The following INPP5A variants were observed in gnomAD, a reference collection of about 807,000 sequenced individuals.
The protein encoded by INPP5A is 43 kDa inositol polyphosphate 5-phophatase.
In INPP5A, 14 loss-of-function variants were observed where a neutral mutation model predicts 65.2. The ratio of observed to expected loss-of-function variants is 0.21; its 90% CI spans 0.14 to 0.34. The LOEUF is 0.34. Among genes scored for constraint, INPP5A ranks in the 10% least tolerant of loss-of-function variants. INPP5A has a pLI of 1.00. For missense variants in INPP5A, 431 were observed against 545.6 expected (o/e 0.79, Z 2.09); for synonymous variants, 207 against 208.3 (o/e 0.99, Z 0.05).
chr10:132,768,844 G>C (rs1396483361), intron 12 of INPP5A, among the ~76,000 whole-genome samples: 2 of 152,250 alleles, frequency 1.3e-5, no homozygotes, highest in Non-Finnish European at 2.9e-5. Context: ...CGGCCGAGCA[G>C]CCAAGTACAT....
intron 9 of INPP5A, among the ~76,000 whole-genome samples, chr10:132,728,887 A>G (rs562399070): frequency 6.4e-4 from 98 of 152,278 alleles, no homozygotes; most frequent in Admixed American, 2.1e-3. Flanking sequence ...TGTGACCACA[A>G]GGCGTCGGGG....
At chr10:132,559,831 C>T (rs1182656436) in intron 1 of INPP5A, among the ~76,000 whole-genome samples, 2 of 152,278 alleles carry the variant, frequency 1.3e-5, no homozygotes, top group East Asian at 1.9e-4. Flanking sequence ...ACCTGTGCTT[C>T]TTCCTTATGA....
chr10:132,627,271 G>C lies in INPP5A; in HGVS notation c.118-18597G>C, dbSNP rs2072197660. On this transcript the variant is annotated intron_variant, in intron 2 of 15. Coordinates refer to ENST00000368594, the MANE Select transcript of INPP5A (RefSeq NM_005539.5). This position sits in a 1 kb window ranked among gnomAD's most constrained non-coding sequence, Gnocchi z 6.6. ...TTGTGATGGAGCCTCTGCCGACCGA[G>C]GGAGGGGCTGAGGGTGGACAGGCTG... Among the ~76,000 whole-genome samples the C allele has an allele frequency of 1.3e-5, 2 of 151,850 alleles. No individual in the cohort carries two copies. The highest frequency in any genetic ancestry group is 1.3e-4 in the Admixed American group (2 of 15,280).
chr10:132,732,173 A>C (rs778901527), intron 9 of INPP5A, among the ~76,000 whole-genome samples: 11 of 152,262 alleles, frequency 7.2e-5, no homozygotes, highest in Non-Finnish European at 1.5e-4. Flanking sequence ...TAATGCCCTC[A>C]TGCTGGACAG....
intron 4 of INPP5A, among the ~76,000 whole-genome samples, chr10:132,688,055 C>T (rs1845170298): frequency 1.3e-5 from 2 of 152,230 alleles, no homozygotes; most frequent in South Asian, 4.1e-4. Flanking sequence ...CCACCATGCA[C>T]TGCACACGCC....
At chr10:132,737,072 T>C (rs1846189591) in intron 9 of INPP5A, among the ~76,000 whole-genome samples, 1 of 152,228 alleles carries the variant, frequency 6.6e-6, no homozygotes, top group Non-Finnish European at 1.5e-5. Context: ...TGGGCAGGCC[T>C]GAGCTCCTAA....
At chr10:132,645,222 G>A (rs1412823920) in intron 2 of INPP5A, among the ~76,000 whole-genome samples, 2 of 152,124 alleles carry the variant, frequency 1.3e-5, no homozygotes, top group Non-Finnish European at 2.9e-5. Context: ...TGGGGCGGGC[G>A]GGGCAGGGGC....
At chr10:132,716,120 T>C (rs1041903861) in intron 8 of INPP5A, among the ~76,000 whole-genome samples, 1 of 152,218 alleles carries the variant, frequency 6.6e-6, no homozygotes, top group African/African-American at 2.4e-5. Context: ...GTGGTGCCGC[T>C]ATGCAGATGC....
At chr10:132,671,355 C>T (rs562413660) in intron 4 of INPP5A, among the ~76,000 whole-genome samples, 15 of 149,542 alleles carry the variant, frequency 1.0e-4, no homozygotes, top group Admixed American at 6.7e-4. Flanking sequence ...CTCCCTGCTT[C>T]GGACTCCGCC....
intron 8 of INPP5A, among the ~76,000 whole-genome samples, chr10:132,725,433 CG>C (rs1394338681): frequency 7.9e-5 from 12 of 152,236 alleles, no homozygotes; most frequent in African/African-American, 2.4e-4. Context: ...GAGGTGTCAG[CG>C]GTGGCGGCGG....
At chr10:132,730,030 G>A (rs1340548496) in intron 9 of INPP5A, among the ~76,000 whole-genome samples, 1 of 152,218 alleles carries the variant, frequency 6.6e-6, no homozygotes, top group African/African-American at 2.4e-5. Flanking sequence ...CGTCCTTCAG[G>A]AATTGAGTCG....
chr10:132,723,677 GTGTGGGGATTGGCCA>G (rs1845933962), intron 8 of INPP5A, among the ~76,000 whole-genome samples: 1 of 147,734 alleles, frequency 6.8e-6, no homozygotes, highest in Non-Finnish European at 1.5e-5. Flanking sequence ...GGGATTGGCC[GTGTGGGGATTGGCCA>G]TGTGGGGATG....
rs565636463 is a variant in INPP5A, at chr10:132,728,755, A to C, written c.732+1850A>C. On this transcript the variant is annotated intron_variant, in intron 9 of 15. Transcript: ENST00000368594. ...AGGGCCTTTTCCTTCTGGTAGAGCAAATGTCACAGTAAAGGGCAGCTGGTC... is the reference window on the plus strand; with the variant it reads ...AGGGCCTTTTCCTTCTGGTAGAGCACATGTCACAGTAAAGGGCAGCTGGTC... Among the ~76,000 whole-genome samples, 6 of 152,344 alleles carry C rather than the reference A, an allele frequency of 3.9e-5. No individual in the cohort carries two copies. The East Asian group carries it at 1.2e-3, about 29-fold the overall frequency.
rs1056433261 is a variant in INPP5A at position 132,549,662 on chromosome 10, G to T, written c.75+11491G>T. ...GCAGGTGAAGCAGGAGCAGACAGGT[G>T]CGTGTCCTGGAGCTCTGCAGCTGCA... On this transcript the variant is annotated intron_variant, in intron 1 of 15. Transcript: ENST00000368594. The surrounding 1 kb of genome is among the most constrained non-coding windows in gnomAD (Gnocchi z 4.9). Among the ~76,000 whole-genome samples, 25 of 152,328 alleles carry T rather than the reference G, an allele frequency of 1.6e-4. No individual in the cohort carries two copies. Among genetic ancestry groups the T allele is most frequent in the Admixed American group, 1.2e-3 (19 of 15,308 alleles).
At chr10:132,773,944 A>G (rs539485793) in intron 12 of INPP5A, among the ~76,000 whole-genome samples, 3 of 152,120 alleles carry the variant, frequency 2.0e-5, no homozygotes, top group Non-Finnish European at 2.9e-5. Flanking sequence ...TATTTTGTAT[A>G]GAGACAGGGG....
At chr10:132,679,458 G>A (rs1432328900) in intron 4 of INPP5A, among the ~76,000 whole-genome samples, 1 of 152,128 alleles carries the variant, frequency 6.6e-6, no homozygotes, top group African/African-American at 2.4e-5. Context: ...GCTGGAAGAT[G>A]GGACAGACGG....
chr10:132,596,942 T>C (rs6560702), intron 1 of INPP5A, among the ~76,000 whole-genome samples: 27 of 30,774 alleles, frequency 8.8e-4, no homozygotes, highest in South Asian at 1.9e-3. Flanking sequence ...CACGCATGTG[T>C]GCGTGTGTGC....
At chr10:132,564,673 G>A (rs1166298859) in intron 1 of INPP5A, among the ~76,000 whole-genome samples, 2 of 152,226 alleles carry the variant, frequency 1.3e-5, no homozygotes, top group Non-Finnish European at 2.9e-5. Context: ...TTGCCAAATG[G>A]CAGTGAGTGC....
chr10:132,558,992 C>CA, intron 1 of INPP5A, among the ~76,000 whole-genome samples: 1 of 152,196 alleles, frequency 6.6e-6, no homozygotes. Context: ...GCCTTCCTCC[C>CA]AGACCCATCG....
Sources: gnomAD v4.1 joint callset for allele counts (sites outside exome capture counted in the v4.1 genomes callset) on GRCh38, gnomAD v4.1.1 for gene constraint, Gnocchi (gnomAD v3.1) non-coding constraint, MANE v1.5 for transcripts, NCBI Gene and HGNC (gene_info 2026-07-23, HGNC 2026-07-21) for gene names.